AKT3: variants seen among roughly 807,000 people sequenced by gnomAD.
AKT3 encodes the protein AKT serine/threonine kinase 3.
AKT3 carries 15 observed loss-of-function variants against 65.3 expected under a neutral mutation model. That is an observed-to-expected ratio of 0.23 (90% CI 0.15 to 0.35). The LOEUF is 0.35. Ranked by LOEUF, AKT3 falls within the 10% of genes least tolerant of loss-of-function variation. AKT3 has a pLI of 1.00. For missense variants in AKT3, 243 were observed against 576.5 expected (o/e 0.42, Z 5.92); for synonymous variants, 206 against 183.8 (o/e 1.12, Z -0.98).
intron 1 of AKT3, among the ~76,000 whole-genome samples, chr1:243,847,862 T>C (rs1558868560): frequency 6.6e-6 from 1 of 152,178 alleles, no homozygotes; most frequent in Non-Finnish European, 1.5e-5. Context: ...AGCAAAACCT[T>C]AAAGTACTCT....
At chr1:243,513,379 G>C (rs1056833653) in intron 12 of AKT3, among the ~76,000 whole-genome samples, 4 of 152,126 alleles carry the variant, frequency 2.6e-5, no homozygotes, top group African/African-American at 9.7e-5. Context: ...TTAGAATACA[G>C]TTCTCACGGG....
At chr1:243,804,397 C>T (rs1045522243) in intron 2 of AKT3, among the ~76,000 whole-genome samples, 3 of 152,026 alleles carry the variant, frequency 2.0e-5, no homozygotes, top group South Asian at 2.1e-4. Context: ...TATGTATTAG[C>T]AATAATTGCA....
At chr1:243,613,188 T>TAC (rs3077730) in intron 8 of AKT3, among the ~76,000 whole-genome samples, 19 of 146,596 alleles carry the variant, frequency 1.3e-4, no homozygotes, top group African/African-American at 4.8e-4. Flanking sequence ...CATATATACA[T>TAC]ACACACACAC....
chr1:243,559,911 G>A (rs971869196), intron 10 of AKT3, among the ~76,000 whole-genome samples: 1 of 152,086 alleles, frequency 6.6e-6, no homozygotes, highest in African/African-American at 2.4e-5. Flanking sequence ...CAAAAAAAGT[G>A]CGAGACACCA....
At chr1:243,490,515 C>T (rs1484325859) in intron 13 of AKT3, among the ~76,000 whole-genome samples, 1 of 152,220 alleles carries the variant, frequency 6.6e-6, no homozygotes, top group African/African-American at 2.4e-5. Flanking sequence ...GAGAATTATT[C>T]CAGGTTGTGT....
chr1:243,796,769 T>C (rs1692040508), intron 2 of AKT3, among the ~76,000 whole-genome samples: 1 of 152,144 alleles, frequency 6.6e-6, no homozygotes, highest in South Asian at 2.1e-4. Context: ...CAAAATGTGG[T>C]ACATCCATAT....
At position 243,620,382 on chromosome 1, in the gene AKT3, AGATG is replaced by A. The variant is rs1452604070; in HGVS notation, c.562-5225_562-5222del. Among the ~76,000 whole-genome samples the A allele has an allele frequency of 3.1e-3, 134 of 43,890 alleles. 6 individuals carry two copies. The highest frequency in any genetic ancestry group is 0.014 in the Middle Eastern group (1 of 74). The allele number at this position is 43,890 out of a possible 152,430, so 28.8% of individuals were successfully genotyped here. The stretch of plus-strand genomic sequence containing the variant: ...TACCAGTGTGAGAATGAACTAATAC[AGATG>A]ATATCACATTGTGGTTTTGATTTGC... On this transcript the variant is annotated intron_variant, in intron 6 of 13. Transcript: ENST00000673466.
chr1:243,650,321 A>G (rs1391570105), intron 4 of AKT3, among the ~76,000 whole-genome samples: 3 of 152,104 alleles, frequency 2.0e-5, no homozygotes, highest in East Asian at 1.9e-4. Context: ...TTGTCAGACG[A>G]ATAGATTGCA....
intron 2 of AKT3, among the ~76,000 whole-genome samples, chr1:243,700,735 C>CTCAT (rs1382726028): frequency 6.6e-6 from 1 of 152,140 alleles, no homozygotes; most frequent in Non-Finnish European, 1.5e-5. Context: ...ATCCCTTGAC[C>CTCAT]TCATGATCCA....
At chr1:243,694,449 TTAAC>T (rs1201950932) in intron 3 of AKT3, among the ~76,000 whole-genome samples, 3 of 152,080 alleles carry the variant, frequency 2.0e-5, no homozygotes, top group Non-Finnish European at 4.4e-5. Context: ...GATGTTTTCC[TTAAC>T]TAACACACAC....
At chr1:243,776,199 G>A (rs867973539) in intron 2 of AKT3, among the ~76,000 whole-genome samples, 2 of 152,066 alleles carry the variant, frequency 1.3e-5, no homozygotes, top group East Asian at 1.9e-4. Flanking sequence ...GCCCATATGC[G>A]AAATTTTAGG....
At chr1:243,682,457 C>G (rs942578685) in intron 3 of AKT3, among the ~76,000 whole-genome samples, 6 of 151,882 alleles carry the variant, frequency 4.0e-5, no homozygotes, top group African/African-American at 1.5e-4. Context: ...TATATTCTAC[C>G]AGGAGAAAAG....
intron 11 of AKT3, among the ~76,000 whole-genome samples, chr1:243,545,914 G>A (rs1672635569): frequency 6.6e-6 from 1 of 152,164 alleles, no homozygotes; most frequent in Non-Finnish European, 1.5e-5. Context: ...TCTGCAGAGT[G>A]GGGAATGATA....
rs549388878 is a variant in AKT3, at chr1:243,765,211, T to G, written c.47-69495A>C. Among the ~76,000 whole-genome samples, 5 of 152,166 alleles carry G rather than the reference T, an allele frequency of 3.3e-5. No homozygotes were observed. The East Asian group carries it at 9.6e-4, about 29-fold the overall frequency. On this transcript the variant is annotated intron_variant, in intron 2 of 13. Coordinates refer to ENST00000673466, the MANE Select transcript of AKT3 (RefSeq NM_005465.7). ...AATGTGTATAAAACTTATTTAAATT[T>G]TAAAAAGAAACAAGAGGACTTGTTA...
intron 2 of AKT3, among the ~76,000 whole-genome samples, chr1:243,699,465 C>CCATA (rs1389882625): frequency 8.7e-5 from 9 of 103,616 alleles, no homozygotes; most frequent in African/African-American, 3.9e-4. Context: ...ACCTCTTCCA[C>CCATA]TATATATATA....
At chr1:243,670,674 C>T (rs533372911) in intron 3 of AKT3, among the ~76,000 whole-genome samples, 1 of 152,118 alleles carries the variant, frequency 6.6e-6, no homozygotes, top group Non-Finnish European at 1.5e-5. Context: ...TGTGCTTATA[C>T]AAAATGCCAG....
chr1:243,785,392 T>C (rs1344654916), intron 2 of AKT3, among the ~76,000 whole-genome samples: 1 of 152,060 alleles, frequency 6.6e-6, no homozygotes, highest in Non-Finnish European at 1.5e-5. Context: ...CTCAATTTTA[T>C]AATATAATTT....
chr1:243,798,557 A>AT (rs1377450600), intron 2 of AKT3, among the ~76,000 whole-genome samples: 2 of 151,556 alleles, frequency 1.3e-5, no homozygotes, highest in Non-Finnish European at 2.9e-5. Context: ...TATGTTCTTG[A>AT]TATTATCTAA....
chr1:243,827,758 A>C (rs556483833), intron 2 of AKT3, among the ~76,000 whole-genome samples: 1 of 152,292 alleles, frequency 6.6e-6, no homozygotes, highest in East Asian at 1.9e-4. Flanking sequence ...GCAGTATCAT[A>C]ATGAAGACCA....
Sources: gnomAD v4.1 joint callset for allele counts (sites outside exome capture counted in the v4.1 genomes callset) on GRCh38, gnomAD v4.1.1 for gene constraint, MANE v1.5 for transcripts, NCBI Gene and HGNC (gene_info 2026-07-23, HGNC 2026-07-21) for gene names.